NR6A1: variants seen among roughly 807,000 people sequenced by gnomAD.
The protein encoded by NR6A1 is retinoic acid receptor-related testis-associated receptor.
In NR6A1, 7 loss-of-function variants were observed where a neutral mutation model predicts 59.1. That is an observed-to-expected ratio of 0.12 (90% confidence interval 0.07 to 0.22). NR6A1 has a LOEUF of 0.22. NR6A1 is among the 10% of genes least tolerant of loss of function. The pLI is 1.00. For synonymous variants in NR6A1, 243 were observed against 236.1 expected (o/e 1.03, Z -0.27); for missense variants, 468 against 611.6 (o/e 0.77, Z 2.48).
Position 124,690,127 on chromosome 9 carries a change from T to C in NR6A1, c.142+43181A>G, listed in dbSNP as rs567254303. ...TAGCAGCATTACCCCCAAACACTTA[T>C]AGTGATGCTTCCTGCATGGTGCTTG... On this transcript the variant is annotated intron_variant, in intron 2 of 9. Coordinates refer to ENST00000487099, the MANE Select transcript of NR6A1 (RefSeq NM_033334.4). Among the ~76,000 whole-genome samples, 97 of 152,322 alleles carry C rather than the reference T, an allele frequency of 6.4e-4. 1 individual carries two copies. In the South Asian group the frequency reaches 0.018, roughly 28 times the overall value.
intron 1 of NR6A1, among the ~76,000 whole-genome samples, chr9:124,766,557 C>T (rs1312060503): frequency 6.6e-6 from 1 of 152,156 alleles, no homozygotes; most frequent in African/African-American, 2.4e-5. Flanking sequence ...AAATAAGGCA[C>T]TTTTACTGTC....
chr9:124,664,491 T>C (rs1035376541), intron 2 of NR6A1, among the ~76,000 whole-genome samples: 4 of 152,182 alleles, frequency 2.6e-5, no homozygotes, highest in African/African-American at 9.7e-5. Context: ...CACTTAAAGG[T>C]AAGAATCTGG....
intron 2 of NR6A1, among the ~76,000 whole-genome samples, chr9:124,576,190 C>T (rs1834585902): frequency 2.0e-5 from 3 of 152,226 alleles, no homozygotes; most frequent in Admixed American, 2.0e-4. Flanking sequence ...ACTTACTGAG[C>T]TTTTACAGTA....
rs541054312 is a variant in NR6A1 at position 124,714,966 on chromosome 9, G to A, written c.142+18342C>T. 6.0e-4 allele frequency among the ~76,000 whole-genome samples: 92 copies of A among 152,088 alleles called. 1 individual carries two copies. In the South Asian group the frequency reaches 0.018, roughly 30 times the overall value. On this transcript the variant is annotated intron_variant, in intron 2 of 9. Coordinates refer to ENST00000487099, the MANE Select transcript of NR6A1 (RefSeq NM_033334.4). ...TGTAATCCCAGCACTTTCGGAGGCC[G>A]AGGCGGGCAGTTCACAAGGTCAAGA...
At chr9:124,715,059 ATGG>A (rs1224876002) in intron 2 of NR6A1, among the ~76,000 whole-genome samples, 1 of 152,080 alleles carries the variant, frequency 6.6e-6, no homozygotes, top group Non-Finnish European at 1.5e-5. Context: ...CTAGCTTGGC[ATGG>A]TGGTGCACAC....
intron 2 of NR6A1, among the ~76,000 whole-genome samples, chr9:124,724,645 AGAG>A (rs1255161346): frequency 6.6e-6 from 1 of 152,226 alleles, no homozygotes; most frequent in Non-Finnish European, 1.5e-5. Context: ...TTATGTTACA[AGAG>A]GAGAAATGGA....
intron 1 of NR6A1, among the ~76,000 whole-genome samples, chr9:124,748,306 C>A (rs1184871182): frequency 6.6e-6 from 1 of 152,048 alleles, no homozygotes; most frequent in African/African-American, 2.4e-5. Flanking sequence ...TCAAAAGTTG[C>A]AGTTGTGTAT....
At chr9:124,738,314 C>A (rs1164785659) in intron 1 of NR6A1, among the ~76,000 whole-genome samples, 1 of 151,882 alleles carries the variant, frequency 6.6e-6, no homozygotes, top group Non-Finnish European at 1.5e-5. Flanking sequence ...ACAAACATAC[C>A]CCCAAACCCA....
chr9:124,638,821 AT>A (rs1320632099), intron 2 of NR6A1, among the ~76,000 whole-genome samples: 1 of 152,200 alleles, frequency 6.6e-6, no homozygotes, highest in Non-Finnish European at 1.5e-5. Flanking sequence ...ACCTCATAGG[AT>A]TTTTGTGAGG....
At position 124,530,209 on chromosome 9, in the gene NR6A1, G is replaced by A. The variant is rs539916910; in HGVS notation, c.1080-3309C>T. ...ACCCTAGATCTGCCCTTTCTCTTGCGGACAGCACATCCTTCTTTTCCAAAA... is the reference window on the plus strand; with the variant it reads ...ACCCTAGATCTGCCCTTTCTCTTGCAGACAGCACATCCTTCTTTTCCAAAA... On this transcript the variant is annotated intron_variant, in intron 7 of 9. Transcript: ENST00000487099. Among the ~76,000 whole-genome samples the A allele has an allele frequency of 1.7e-4, 26 of 152,090 alleles. No individual in the cohort carries two copies. In the South Asian group the frequency reaches 2.5e-3, roughly 15 times the overall value.
Position 124,521,253 on chromosome 9 carries a change from C to G in NR6A1, c.*1452G>C, listed in dbSNP as rs147223811. The G allele has an allele frequency of 6.6e-6, 1 of 152,642 alleles. No individual in the cohort carries two copies. Among genetic ancestry groups the G allele is most frequent in the Admixed American group, 6.5e-5 (1 of 15,290 alleles). 9.5% of individuals were successfully genotyped at this position (152,642 alleles called of 1,614,324 possible). On this transcript the variant is annotated 3_prime_UTR_variant, in exon 10 of 10. Transcript: ENST00000487099. ...GCCAAAGTCAAGAGGGTAAGGAACA[C>G]GTCCTGGGATAAGGTGGGGCAGGTA...
At chr9:124,681,975 TTTTTGTTTTG>T (rs528560838) in intron 2 of NR6A1, among the ~76,000 whole-genome samples, 7 of 151,866 alleles carry the variant, frequency 4.6e-5, no homozygotes, top group Admixed American at 2.6e-4. Context: ...AACCTTTGTT[TTTTTGTTTTG>T]TTTTGTTTTG....
chr9:124,694,496 A>C (rs1309336041), intron 2 of NR6A1, among the ~76,000 whole-genome samples: 1 of 152,220 alleles, frequency 6.6e-6, no homozygotes, highest in African/African-American at 2.4e-5. Context: ...AAAAACTATG[A>C]GGCTCATTCA....
chr9:124,645,770 A>G (rs1378174308), intron 2 of NR6A1, among the ~76,000 whole-genome samples: 1 of 152,230 alleles, frequency 6.6e-6, no homozygotes, highest in Non-Finnish European at 1.5e-5. Flanking sequence ...TCTTTTGGAT[A>G]TAACTGACAC....
In NR6A1 at chr9:124,520,361, G is replaced by A. The variant is rs1588631378; in HGVS notation, c.*2344C>T. The A allele has an allele frequency of 6.6e-6, 1 of 152,318 alleles. No individual in the cohort carries two copies. The highest frequency in any genetic ancestry group is 1.9e-4 in the East Asian group (1 of 5,188). The allele number at this position is 152,318 out of a possible 1,614,324, so 9.4% of individuals were successfully genotyped here. ...GAGATTCTGCAGGGCTCTCGGCAAT[G>A]AATGGGCTCTTTGTTCTGTGGAATC... On this transcript the variant is annotated 3_prime_UTR_variant, in exon 10 of 10. Transcript: ENST00000487099.
intron 2 of NR6A1, among the ~76,000 whole-genome samples, chr9:124,729,014 AAC>A (rs1447756673): frequency 6.6e-6 from 1 of 152,202 alleles, no homozygotes; most frequent in Non-Finnish European, 1.5e-5. Context: ...TGAGCCATAA[AAC>A]ACATTTTAAT....
intron 2 of NR6A1, among the ~76,000 whole-genome samples, chr9:124,622,695 C>T (rs1427817818): frequency 2.0e-5 from 3 of 151,750 alleles, no homozygotes; most frequent in Admixed American, 6.6e-5. Flanking sequence ...CAGGAAAAGT[C>T]ACAAGCCATA....
chr9:124,545,644 C>T (rs905371372), intron 3 of NR6A1, among the ~76,000 whole-genome samples: 2 of 152,118 alleles, frequency 1.3e-5, no homozygotes, highest in African/African-American at 2.4e-5. Context: ...TATTTCAGCT[C>T]ATAGGTAGAG....
chr9:124,628,895 G>C (rs113214845), intron 2 of NR6A1, among the ~76,000 whole-genome samples: 2,759 of 152,072 alleles, frequency 0.018, 76 homozygotes, highest in African/African-American at 0.062. Context: ...CCCGAGTTCA[G>C]GCAATCTGCC....
Sources: allele counts gnomAD v4.1 joint callset (sites outside exome capture counted in the v4.1 genomes callset), GRCh38; gene constraint gnomAD v4.1.1; transcripts MANE v1.5; gene names NCBI Gene and HGNC (gene_info 2026-07-23, HGNC 2026-07-21).